The following EPB41L4A variants were observed in gnomAD, a reference collection of about 807,000 sequenced individuals.
The protein encoded by EPB41L4A is band 4.1-like protein 4A.
In EPB41L4A, 100 loss-of-function variants were observed where a neutral mutation model predicts 108.6. The observed-to-expected ratio is 0.92, with a 90% CI of 0.78 to 1.09. The LOEUF (loss-of-function observed/expected upper bound fraction) is 1.09, where lower values mean the gene tolerates loss of function less well. EPB41L4A is among the 50% of genes least tolerant of loss of function. The probability of loss-of-function intolerance (pLI) is 0.00; values close to 1 mark genes in which losing one functional copy is unlikely to be tolerated. For missense variants in EPB41L4A, 1,030 were observed against 842.7 expected (o/e 1.22, Z -2.75); for synonymous variants, 319 against 289.0 (o/e 1.10, Z -1.05).
At chr5:112,288,277 C>T (rs1303198805) in intron 2 of EPB41L4A, among the ~76,000 whole-genome samples, 4 of 152,096 alleles carry the variant, frequency 2.6e-5, no homozygotes. Flanking sequence ...CTGCCTTTGT[C>T]TAATAAAGTT....
At chr5:112,355,122 T>C (rs1193294920) in intron 1 of EPB41L4A, among the ~76,000 whole-genome samples, 1 of 152,214 alleles carries the variant, frequency 6.6e-6, no homozygotes, top group Non-Finnish European at 1.5e-5. Context: ...AACACAGATT[T>C]ATACTCAAAT....
At chr5:112,178,428 A>G (rs1045401240) in intron 18 of EPB41L4A, among the ~76,000 whole-genome samples, 2 of 152,132 alleles carry the variant, frequency 1.3e-5, no homozygotes, top group African/African-American at 4.8e-5. Context: ...AAAAGACACA[A>G]TCTGAACACT....
chr5:112,416,852 T>C (rs1361479462), intron 1 of EPB41L4A, among the ~76,000 whole-genome samples: 1 of 152,228 alleles, frequency 6.6e-6, no homozygotes, highest in African/African-American at 2.4e-5. Context: ...ATACACACCA[T>C]TTATAAATAT....
intron 1 of EPB41L4A, chr5:112,363,554 A>G (rs554321954): frequency 1.2e-4 from 18 of 152,412 alleles, no homozygotes; most frequent in African/African-American, 3.9e-4. Context: ...CATATCATCA[A>G]TTTTTCCAAT....
rs1454895641 is a variant in EPB41L4A, at chr5:112,164,388, C to G, written c.*602G>C. ...AGCAGGCTAGCTGCAGTTCAGAATT[C>G]CAGAATGTTCATCAGATGCATCTGG... On this transcript the variant is annotated 3_prime_UTR_variant, in exon 23 of 23. Coordinates refer to ENST00000261486, the MANE Select transcript of EPB41L4A (RefSeq NM_022140.5). The G allele has an allele frequency of 6.6e-6, 1 of 152,208 alleles. No individual in the cohort carries two copies. Among genetic ancestry groups the G allele is most frequent in the East Asian group, 1.9e-4 (1 of 5,198 alleles). 9.4% of individuals were successfully genotyped at this position (152,208 alleles called of 1,614,324 possible).
At chr5:112,360,758 T>C (rs1416906037) in intron 1 of EPB41L4A, among the ~76,000 whole-genome samples, 2 of 151,780 alleles carry the variant, frequency 1.3e-5, no homozygotes, top group African/African-American at 2.4e-5. Flanking sequence ...GGAGCGCCTC[T>C]TCCCGGTCGT....
intron 1 of EPB41L4A, among the ~76,000 whole-genome samples, chr5:112,329,725 ACT>A (rs1425727386): frequency 6.6e-6 from 1 of 151,650 alleles, no homozygotes; most frequent in African/African-American, 2.4e-5. Context: ...AATCCATGTC[ACT>A]CTCTACAGGA....
intron 9 of EPB41L4A, chr5:112,257,096 A>G (rs1426455744): frequency 2.0e-5 from 3 of 152,172 alleles, no homozygotes; most frequent in Non-Finnish European, 2.9e-5. Context: ...GTTCCAAGTG[A>G]TGGGTTTTAA....
chr5:112,158,609 C>G (rs549753737), downstream of EPB41L4A, among the ~76,000 whole-genome samples: 2 of 152,276 alleles, frequency 1.3e-5, no homozygotes, highest in East Asian at 3.9e-4. Flanking sequence ...GTTTAATTAA[C>G]TTACAGTTTA....
chr5:112,155,171 A>C (rs1194814099), intron 12 of EPB41L4A, among the ~76,000 whole-genome samples: 1 of 152,198 alleles, frequency 6.6e-6, no homozygotes, highest in Non-Finnish European at 1.5e-5. Context: ...GAAAAAGAGG[A>C]ATAGTTCTTC....
chr5:112,260,685 G>A (rs1055805858), intron 7 of EPB41L4A, among the ~76,000 whole-genome samples: 1 of 152,054 alleles, frequency 6.6e-6, no homozygotes, highest in Non-Finnish European at 1.5e-5. Flanking sequence ...TTTATTTTAA[G>A]GCAATAATAA....
At chr5:112,343,230 AAC>A (rs1757432043) in intron 1 of EPB41L4A, among the ~76,000 whole-genome samples, 1 of 152,208 alleles carries the variant, frequency 6.6e-6, no homozygotes, top group African/African-American at 2.4e-5. Flanking sequence ...CATAATTTCA[AAC>A]ACATCCTAAG....
At chr5:112,323,667 A>G (rs1755955818) in intron 1 of EPB41L4A, among the ~76,000 whole-genome samples, 1 of 152,160 alleles carries the variant, frequency 6.6e-6, no homozygotes, top group Non-Finnish European at 1.5e-5. Flanking sequence ...AAAGTCTCAT[A>G]AATTCCCCAT....
intron 13 of EPB41L4A, among the ~76,000 whole-genome samples, 175 bp downstream of exon 13, chr5:112,209,717 G>GT (rs1385926231): frequency 1.4e-4 from 22 of 152,294 alleles, no homozygotes; most frequent in African/African-American, 4.8e-4. Flanking sequence ...AGGTCCTGAT[G>GT]TTTTATATTT....
At chr5:112,250,300 C>G (rs962762324) in intron 9 of EPB41L4A, among the ~76,000 whole-genome samples, 2 of 152,060 alleles carry the variant, frequency 1.3e-5, no homozygotes, top group African/African-American at 4.8e-5. Context: ...ATATTTACAT[C>G]GTATTCCAGT....
At chr5:112,236,500 T>C (rs893586523) in intron 11 of EPB41L4A, among the ~76,000 whole-genome samples, 1 of 152,254 alleles carries the variant, frequency 6.6e-6, no homozygotes, top group Non-Finnish European at 1.5e-5. Context: ...TACAATTTCC[T>C]GGCAGAAGTA....
intron 2 of EPB41L4A, among the ~76,000 whole-genome samples, chr5:112,304,140 A>C (rs1158048075): frequency 2.0e-5 from 3 of 152,168 alleles, no homozygotes; most frequent in Admixed American, 6.5e-5. Flanking sequence ...GGCAGAAGAC[A>C]GTGTTTGCAT....
chr5:112,350,070 C>A (rs57115499), intron 1 of EPB41L4A, among the ~76,000 whole-genome samples: 1 of 152,168 alleles, frequency 6.6e-6, no homozygotes, highest in South Asian at 2.1e-4. Context: ...TCCAATAGAG[C>A]AGCCGCTAGC....
chr5:112,407,592 A>T (rs1762144342), intron 1 of EPB41L4A, among the ~76,000 whole-genome samples: 1 of 152,222 alleles, frequency 6.6e-6, no homozygotes, highest in Non-Finnish European at 1.5e-5. Flanking sequence ...TGACATTAAC[A>T]TCTTCACCTG....
Sources: gnomAD v4.1 joint callset for allele counts (sites outside exome capture counted in the v4.1 genomes callset) on GRCh38, gnomAD v4.1.1 for gene constraint, MANE v1.5 for transcripts, NCBI Gene and HGNC (gene_info 2026-07-23, HGNC 2026-07-21) for gene names.